Variants in ANKRD30B observed in about 807,000 individuals in gnomAD.
The protein encoded by ANKRD30B is ankyrin repeat domain-containing protein 30B.
ANKRD30B carries 144 observed loss-of-function variants against 202.2 expected under a neutral mutation model. That is an observed-to-expected ratio of 0.71 (90% CI 0.62 to 0.82). The LOEUF (loss-of-function observed/expected upper bound fraction) is 0.82, where lower values mean the gene tolerates loss of function less well. Among genes scored for constraint, ANKRD30B ranks in the 40% least tolerant of loss-of-function variants. ANKRD30B has a pLI of 0.00. For missense variants in ANKRD30B, 1,487 were observed against 1,669.1 expected (o/e 0.89, Z 1.90); for synonymous variants, 508 against 561.3 (o/e 0.91, Z 1.34).
At chr18:14,827,121 A>G (rs1970702765) in intron 32 of ANKRD30B, among the ~76,000 whole-genome samples, 1 of 152,262 alleles carries the variant, frequency 6.6e-6, no homozygotes, top group South Asian at 2.1e-4. Context: ...CATCAGAAGG[A>G]GGATCATCTG....
intron 16 of ANKRD30B, among the ~76,000 whole-genome samples, chr18:14,792,036 A>G (rs1256129321): frequency 6.6e-6 from 1 of 152,158 alleles, no homozygotes; most frequent in Admixed American, 6.5e-5. Context: ...TCTATTTGCA[A>G]TAGTTGAGAA....
intron 28 of ANKRD30B, among the ~76,000 whole-genome samples, chr18:14,811,707 C>G (rs1427483087): frequency 3.1e-5 from 2 of 65,212 alleles, no homozygotes; most frequent in African/African-American, 1.3e-4. Flanking sequence ...CTGTTTTGAT[C>G]AGCATTATAA....
At chr18:14,863,039 C>A in the ANKRD30B span, among the ~76,000 whole-genome samples, 1 of 152,142 alleles carries the variant, frequency 6.6e-6, no homozygotes, top group Non-Finnish European at 1.5e-5. Flanking sequence ...CTTATAGGCT[C>A]ACAGATGGAG....
chr18:14,905,262 C>T, the ANKRD30B span, among the ~76,000 whole-genome samples: 2 of 152,178 alleles, frequency 1.3e-5, no homozygotes, highest in Non-Finnish European at 2.9e-5. Flanking sequence ...ATTCCTTTAC[C>T]TTCACTTTAC....
At chr18:14,903,451 C>G in the ANKRD30B span, 148,070 of 152,284 alleles carry the variant, frequency 0.97, 72,136 homozygotes, top group Middle Eastern at 1. Flanking sequence ...ACTTGTAAAT[C>G]ATGCTCTTTG....
At chr18:14,833,995 C>A (rs1971068777) in intron 34 of ANKRD30B, among the ~76,000 whole-genome samples, 1 of 152,152 alleles carries the variant, frequency 6.6e-6, no homozygotes, top group Admixed American at 6.5e-5. Flanking sequence ...GTATGATTTT[C>A]ATTACTCAAT....
chr18:14,825,333 T>C (rs1372347391), intron 32 of ANKRD30B: 1 of 152,212 alleles, frequency 6.6e-6, no homozygotes, highest in African/African-American at 2.4e-5. Context: ...GCTGCCTGAG[T>C]CTGCATTCTT....
intron 5 of ANKRD30B, among the ~76,000 whole-genome samples, chr18:14,760,184 C>A (rs1402611450): frequency 2.0e-5 from 3 of 152,110 alleles, no homozygotes; most frequent in Non-Finnish European, 4.4e-5. Flanking sequence ...TGAAATAAGT[C>A]TCTAAAATCC....
intron 24 of ANKRD30B, among the ~76,000 whole-genome samples, chr18:14,804,881 C>T (rs1476615991): frequency 6.6e-6 from 1 of 150,570 alleles, no homozygotes; most frequent in African/African-American, 2.5e-5. Context: ...GAGAAGCCAG[C>T]TAGATTATTT....
At chr18:14,780,468 AT>A (rs1297302558) in intron 11 of ANKRD30B, among the ~76,000 whole-genome samples, 2 of 152,110 alleles carry the variant, frequency 1.3e-5, no homozygotes, top group East Asian at 3.9e-4. Context: ...CTTAAAAAAA[AT>A]CTATGTGGTA....
intron 7 of ANKRD30B, among the ~76,000 whole-genome samples, chr18:14,768,622 AATCTTCCACAC>A (rs1916619478): frequency 6.6e-6 from 1 of 152,162 alleles, no homozygotes; most frequent in Non-Finnish European, 1.5e-5. Context: ...TGGTGGACAA[AATCTTCCACAC>A]ATTTGGTCAC....
chr18:14,902,368 A>T, the ANKRD30B span, among the ~76,000 whole-genome samples: 2 of 152,314 alleles, frequency 1.3e-5, no homozygotes, highest in East Asian at 3.9e-4. Flanking sequence ...CCCAATTCAT[A>T]CAAGTATTAC....
At chr18:14,877,984 C>T in the ANKRD30B span, 1 of 152,170 alleles carries the variant, frequency 6.6e-6, no homozygotes, top group Non-Finnish European at 1.5e-5. Flanking sequence ...TACCCACCTG[C>T]ATCGCCTTAG....
At chr18:14,919,995 T>C in the ANKRD30B span, among the ~76,000 whole-genome samples, 2 of 152,166 alleles carry the variant, frequency 1.3e-5, no homozygotes, top group Admixed American at 6.5e-5. Flanking sequence ...CTGTGCCTCA[T>C]CCACAGGCTC....
chr18:14,874,403 C>T, the ANKRD30B span, among the ~76,000 whole-genome samples: 19 of 152,044 alleles, frequency 1.2e-4, no homozygotes, highest in Admixed American at 8.5e-4. Context: ...CCTTAGCAAT[C>T]GCTGGACTTA....
chr18:14,805,112 A>C (rs1247238939), intron 24 of ANKRD30B, among the ~76,000 whole-genome samples: 1 of 150,796 alleles, frequency 6.6e-6, no homozygotes, highest in East Asian at 1.9e-4. Context: ...AATTTGAATA[A>C]GACATACTAG....
intron 7 of ANKRD30B, among the ~76,000 whole-genome samples, chr18:14,768,146 A>G (rs1916542215): frequency 6.6e-6 from 1 of 152,158 alleles, no homozygotes; most frequent in African/African-American, 2.4e-5. Context: ...AATTACCAGG[A>G]GCCACAGATT....
chr18:14,904,361 T>A, the ANKRD30B span, among the ~76,000 whole-genome samples: 1 of 152,202 alleles, frequency 6.6e-6, no homozygotes. Flanking sequence ...GTAAACATGT[T>A]CCCACAGCCA....
chr18:14,889,816 A>G, the ANKRD30B span, among the ~76,000 whole-genome samples: 1 of 151,760 alleles, frequency 6.6e-6, no homozygotes, highest in Non-Finnish European at 1.5e-5. Context: ...CCATTTGTCC[A>G]AAGTCACACA....
Sources: gnomAD v4.1 joint callset for allele counts (sites outside exome capture counted in the v4.1 genomes callset) on GRCh38, gnomAD v4.1.1 for gene constraint, MANE v1.5 for transcripts, NCBI Gene and HGNC (gene_info 2026-07-23, HGNC 2026-07-21) for gene names.